Variants in MMRN2 observed in about 807,000 individuals in gnomAD.
The protein encoded by MMRN2 is multimerin 2.
In MMRN2, 53 loss-of-function variants were observed where a neutral mutation model predicts 68.8. The ratio of observed to expected loss-of-function variants is 0.77; its 90% CI spans 0.62 to 0.97. The LOEUF (loss-of-function observed/expected upper bound fraction) is 0.97, where lower values mean the gene tolerates loss of function less well. Ranked by LOEUF, MMRN2 falls within the 50% of genes least tolerant of loss-of-function variation. The pLI is 0.00. For synonymous variants in MMRN2, 564 were observed against 551.6 expected (o/e 1.02, Z -0.32); for missense variants, 1,266 against 1,259.5 (o/e 1.01, Z -0.08).
intron 6 of MMRN2, 67 bp from the exon 7 acceptor site, chr10:86,937,192 G>A: frequency 1.9e-6 from 3 of 1,544,342 alleles, no homozygotes; most frequent in Non-Finnish European, 2.6e-6. Flanking sequence ...ATTAAACCCT[G>A]AGACCTACCG....
rs1200203159 is a variant in MMRN2, at chr10:86,942,898, G to A, written c.1886C>T (p.Pro629Leu). 4 of 1,456,312 alleles carry A rather than the reference G, an allele frequency of 2.7e-6. No individual in the cohort carries two copies. Among genetic ancestry groups the A allele is most frequent in the Non-Finnish European group, 3.6e-6 (4 of 1,102,144 alleles). The allele number at this position is 1,456,312 out of a possible 1,614,324, so 90.2% of individuals were successfully genotyped here. Residue 629 changes from proline (P) to leucine (L), a missense_variant, in exon 6 of 7, where the codon CCG becomes CTG. Physicochemically the swap from Pro to Leu is moderately conservative, Grantham distance 98 (BLOSUM62 -3). Transcript: ENST00000372027. ...GATCTGCTCGTAGCTCAGGGGCAGC[G>A]GTCCCGGCGTCTGCTCAGACATCTC... Reference protein sequence around the residue: ...LEEMSEQTPGPLPLSYEQIRV... With the variant: ...LEEMSEQTPGLLPLSYEQIRV...
rs976484597 is a variant in MMRN2 at position 86,942,638 on chromosome 10, C to T, written c.2146G>A (p.Glu716Lys). 1.1e-5 allele frequency: 18 copies of T among 1,599,602 alleles called. No individual in the cohort carries two copies. The highest frequency in any genetic ancestry group is 1.7e-5 in the Admixed American group (1 of 59,870). ...GCGGCCCCGGCCCCGGCCTCGGCCT[C>T]GCAGCACCGCCCGACATTCTTGACG... ...NDVKNVGRCC[E>K]AEAGAGAASL... The change falls in exon 6 of 7, where the codon GAG becomes AAG. Residue 716 changes from glutamate to lysine, a missense_variant. Coordinates refer to ENST00000372027, the MANE Select transcript of MMRN2 (RefSeq NM_024756.3).
At chr10:86,940,429 C>T (rs768099754) in intron 6 of MMRN2, among the ~76,000 whole-genome samples, 9 of 152,148 alleles carry the variant, frequency 5.9e-5, no homozygotes, top group African/African-American at 2.2e-4. Flanking sequence ...GCACCACGCA[C>T]GAGAGGAAAC....
At chr10:86,945,969 A>G (rs1164265089) in intron 1 of MMRN2, among the ~76,000 whole-genome samples, 1 of 152,226 alleles carries the variant, frequency 6.6e-6, no homozygotes, top group East Asian at 1.9e-4. Flanking sequence ...AACTGTGAAA[A>G]GCAGCTCCAG....
chr10:86,938,084 G>A (rs774927599), intron 6 of MMRN2, among the ~76,000 whole-genome samples: 19 of 152,230 alleles, frequency 1.2e-4, no homozygotes, highest in South Asian at 2.1e-4. Flanking sequence ...ACAGGCATAC[G>A]CCATCATGCC....
rs748531029 is a variant in MMRN2 at position 86,943,442 on chromosome 10, C to G, written c.1342G>C (p.Val448Leu). 1.2e-6 allele frequency: 2 copies of G among 1,614,078 alleles called. No individual in the cohort carries two copies. The highest frequency in any genetic ancestry group is 4.5e-5 in the East Asian group (2 of 44,890). ...VNHTALRELR[V>L]ILMEKSLIME... The stretch of plus-strand genomic sequence containing the variant: ...ATCAGAGACTTCTCCATCAGGATCA[C>G]GCGCAGCTCACGGAGCGCCGTGTGG... The change falls in exon 6 of 7, where the codon GTG (valine) becomes CTG (leucine). Residue 448 changes from valine (V) to leucine (L), a missense_variant. Coordinates refer to ENST00000372027, the MANE Select transcript of MMRN2 (RefSeq NM_024756.3). This position sits in a 1 kb window ranked among gnomAD's most constrained non-coding sequence, Gnocchi z 4.2.
intron 1 of MMRN2, among the ~76,000 whole-genome samples, chr10:86,951,610 T>C (rs1844144441): frequency 6.6e-6 from 1 of 152,248 alleles, no homozygotes; most frequent in Non-Finnish European, 1.5e-5. Flanking sequence ...TAAAACTTTG[T>C]TAGCAAAAAC....
chr10:86,949,684 TG>T (rs1844118964), intron 1 of MMRN2: 1 of 151,730 alleles, frequency 6.6e-6, no homozygotes, highest in African/African-American at 2.4e-5. Context: ...CAGACCAGCC[TG>T]GCAAACATGG....
chr10:86,953,749 T>G (rs955308512), intron 1 of MMRN2, among the ~76,000 whole-genome samples: 1 of 152,178 alleles, frequency 6.6e-6, no homozygotes, highest in Non-Finnish European at 1.5e-5. Context: ...CTAAACAAAC[T>G]TCCATTCCTT....
intron 1 of MMRN2, chr10:86,948,886 G>A (rs902343447): frequency 6.6e-6 from 1 of 152,188 alleles, no homozygotes; most frequent in Non-Finnish European, 1.5e-5. Flanking sequence ...AGCCCAGGAG[G>A]TTGAGGCTTC....
intron 1 of MMRN2, among the ~76,000 whole-genome samples, chr10:86,951,402 A>G (rs146019888): frequency 6.6e-6 from 1 of 152,374 alleles, no homozygotes; most frequent in Non-Finnish European, 1.5e-5. Context: ...AAGAATTTCA[A>G]GATGGTGACA....
At position 86,942,894 on chromosome 10, in the gene MMRN2, C is replaced by G. The variant is rs755601177; in HGVS notation, c.1890G>C (p.Leu630=). The G allele has an allele frequency of 2.1e-6, 3 of 1,455,014 alleles. No individual in the cohort carries two copies. Among genetic ancestry groups the G allele is most frequent in the Non-Finnish European group, 2.7e-6 (3 of 1,102,114 alleles). The allele number at this position is 1,455,014 out of a possible 1,614,324, so 90.1% of individuals were successfully genotyped here. A position where few individuals can be genotyped will look rare whatever the true frequency, so the allele number is the denominator to read the frequency against. The part of the protein sequence containing the change: ...EEMSEQTPGP[L]PLSYEQIRVA... ...CGCGGATCTGCTCGTAGCTCAGGGG[C>G]AGCGGTCCCGGCGTCTGCTCAGACA... Residue 630 remains leucine, a synonymous_variant, in exon 6 of 7, where the codon CTG becomes CTC. Transcript: ENST00000372027.
chr10:86,945,532 G>A, intron 2 of MMRN2, 29 bp downstream of exon 2: 1 of 1,569,178 alleles, frequency 6.4e-7, no homozygotes, highest in South Asian at 1.2e-5. Flanking sequence ...CTCCAGGCCT[G>A]GGCAAATGGC....
Position 86,943,810 on chromosome 10 carries a change from G to C in MMRN2, c.974C>G (p.Ser325Trp). ...CACATCGGCTTGGAGCTCTGAGATC[G>C]AGCGGTGCAGGGTAAAGTGCTGGGC... is the stretch of plus-strand genomic sequence containing the variant. ...LHAQHFTLHR[S>W]ISELQADVDT... The change falls in exon 6 of 7, where the codon TCG becomes TGG. Residue 325 changes from serine to tryptophan, a missense_variant. By Grantham distance (177) the Ser-to-Trp change is radical. Transcript: ENST00000372027. This position sits in a 1 kb window ranked among gnomAD's most constrained non-coding sequence, Gnocchi z 4.2. 1.9e-6 allele frequency: 3 copies of C among 1,610,668 alleles called. No homozygotes were observed. Among genetic ancestry groups the C allele is most frequent in the South Asian group, 1.1e-5 (1 of 91,084 alleles).
rs545147760 is a variant in MMRN2, at chr10:86,942,597, G to A, written c.2187C>T (p.Ser729=). 15 of 1,608,684 alleles carry A rather than the reference G, an allele frequency of 9.3e-6. No individual in the cohort carries two copies. The highest frequency in any genetic ancestry group is 1.7e-4 in the Middle Eastern group (1 of 5,994). ...AGAGTGCGTTGTGGAGGCCGTGAAG[G>A]GAGGCGTTGAGGGAGGCGGCCCCGG... ...AGAGAASLNA[S]LHGLHNALFA... Residue 729 remains serine, a synonymous_variant, in exon 6 of 7, where the codon TCC becomes TCT. Transcript: ENST00000372027.
At position 86,943,602 on chromosome 10, in the gene MMRN2, C is replaced by T. The variant is rs778442449; in HGVS notation, c.1182G>A (p.Leu394=). The stretch of plus-strand genomic sequence containing the variant: ...CCCTCATGTCCTCCAGGGTGTACTG[C>T]AACTCCTCCTCCCTGCGGGCCGTGG... The part of the protein sequence containing the change: ...HMTTARREEE[L]QYTLEDMRAT... The change falls in exon 6 of 7, where the codon TTG becomes TTA. Residue 394 remains leucine, a synonymous_variant. Transcript: ENST00000372027. This position sits in a 1 kb window ranked among gnomAD's most constrained non-coding sequence, Gnocchi z 4.2. 23 of 1,613,926 alleles carry T rather than the reference C, an allele frequency of 1.4e-5. No individual in the cohort carries two copies. The Admixed American group carries it at 3.8e-4, about 27-fold the overall frequency.
In MMRN2 at chr10:86,944,087, C is replaced by T. The variant is rs199678139; in HGVS notation, c.697G>A (p.Val233Met). ...AAATGCACTTGTAGGAAGGTGTCCA[C>T]GTGGGGTAGCAGCACCTGCTCCAAG... ...RSLEQVLLPH[V>M]DTFLQVHFSP... The change falls in exon 6 of 7, where the codon GTG becomes ATG. Residue 233 changes from valine (V) to methionine (M), a missense_variant. Val to Met is a conservative substitution (Grantham distance 21, BLOSUM62 1). Transcript: ENST00000372027. 2.5e-5 allele frequency: 40 copies of T among 1,613,922 alleles called. No individual in the cohort carries two copies. Among genetic ancestry groups the T allele is most frequent in the East Asian group, 4.5e-5 (2 of 44,884 alleles).
At position 86,944,267 on chromosome 10, in the gene MMRN2, CCT is replaced by C; in HGVS notation, c.648_649del (p.Gly217AlafsTer5). 6.2e-7 allele frequency: 1 copy of C among 1,606,824 alleles called. No homozygotes were observed. Among genetic ancestry groups the C allele is most frequent in the Non-Finnish European group, 8.5e-7 (1 of 1,174,668 alleles). On this transcript the variant is annotated frameshift_variant, in exon 5 of 7. Coordinates refer to ENST00000372027, the MANE Select transcript of MMRN2 (RefSeq NM_024756.3). LOFTEE classifies it high-confidence loss of function. ...CCCTAGAGCCTGCCACTCACCGTGC[CCT>C]GTTTGATTTGCTTCCATCACTGCAG...
chr10:86,939,123 T>G (rs922006523), intron 6 of MMRN2, among the ~76,000 whole-genome samples: 2 of 140,546 alleles, frequency 1.4e-5, no homozygotes, highest in Non-Finnish European at 3.0e-5. Context: ...GATCACGCCG[T>G]TGCACTCCAG....
Sources: allele counts gnomAD v4.1 joint callset (sites outside exome capture counted in the v4.1 genomes callset), GRCh38; gene constraint gnomAD v4.1.1; non-coding constraint Gnocchi (gnomAD v3.1); transcripts MANE v1.5; gene names NCBI Gene and HGNC (gene_info 2026-07-23, HGNC 2026-07-21).